The following SMC6 variants were observed in gnomAD, a reference collection of about 807,000 sequenced individuals.
SMC6 encodes the protein structural maintenance of chromosomes protein 6.
SMC6 carries 79 observed loss-of-function variants against 142.2 expected under a neutral mutation model. The ratio of observed to expected loss-of-function variants is 0.56; its 90% confidence interval spans 0.46 to 0.67. The LOEUF is 0.67. SMC6 is among the 30% of genes least tolerant of loss of function. The probability of loss-of-function intolerance (pLI) is 0.00; values close to 1 mark genes in which losing one functional copy is unlikely to be tolerated. For synonymous variants in SMC6, 411 were observed against 412.4 expected (o/e 1.00, Z 0.04); for missense variants, 1,072 against 1,284.0 (o/e 0.83, Z 2.52).
In SMC6 at chr2:17,678,508, C is replaced by T. The variant is rs556813484; in HGVS notation, c.2910+351G>A. ...GCAGGCTGGGCATGGTGGCTCACAC[C>T]GATAATCCCAGCACTTTGGGAGGCC... On this transcript the variant is annotated intron_variant, in intron 25 of 27. Transcript: ENST00000448223. Among the ~76,000 whole-genome samples, 33 of 151,742 alleles carry T rather than the reference C, an allele frequency of 2.2e-4. No individual in the cohort carries two copies. The South Asian group carries it at 3.6e-3, about 16-fold the overall frequency.
chr2:17,664,641 A>T lies in SMC6; in HGVS notation c.*858T>A, dbSNP rs1445988666. On this transcript the variant is annotated 3_prime_UTR_variant, in exon 28 of 28. Transcript: ENST00000448223. Reference sequence around the variant, plus strand: ...GGTCATTCTAAGCAGCACACTTTTTAACACCCCTCAATTAGGATGAGTCTT... The same window carrying T: ...GGTCATTCTAAGCAGCACACTTTTTTACACCCCTCAATTAGGATGAGTCTT... 1 of 152,198 alleles carries T rather than the reference A, an allele frequency of 6.6e-6. No individual in the cohort carries two copies. The highest frequency in any genetic ancestry group is 1.5e-5 in the Non-Finnish European group (1 of 68,036). The allele number at this position is 152,198 out of a possible 1,614,324, so 9.4% of individuals were successfully genotyped here.
At chr2:17,684,062 C>T (rs1029919035) in intron 23 of SMC6, among the ~76,000 whole-genome samples, 13 of 152,152 alleles carry the variant, frequency 8.5e-5, no homozygotes, top group Non-Finnish European at 1.6e-4. Context: ...TTAGAGAATA[C>T]TAGCAAATAC....
chr2:17,680,586 G>C (rs575933287), intron 24 of SMC6: 1 of 152,302 alleles, frequency 6.6e-6, no homozygotes, highest in Admixed American at 6.5e-5. Context: ...GTTACGAATA[G>C]ATGTTAGTAG....
At chr2:17,722,099 C>T (rs1002235265) in intron 9 of SMC6, among the ~76,000 whole-genome samples, 1 of 152,056 alleles carries the variant, frequency 6.6e-6, no homozygotes, top group Non-Finnish European at 1.5e-5. Flanking sequence ...TGCACTTTCC[C>T]ATTTTCAAAA....
chr2:17,668,404 A>G (rs1666602831), intron 26 of SMC6, among the ~76,000 whole-genome samples: 3 of 152,166 alleles, frequency 2.0e-5, no homozygotes, highest in Admixed American at 2.0e-4. Flanking sequence ...CACTTACTAA[A>G]CGGTCATTAT....
intron 7 of SMC6, among the ~76,000 whole-genome samples, chr2:17,728,923 G>GT (rs898839511): frequency 6.6e-6 from 1 of 151,792 alleles, no homozygotes; most frequent in African/African-American, 2.4e-5. Flanking sequence ...TAATTTTTGT[G>GT]TTTTTTTGTA....
chr2:17,695,901 T>C lies in SMC6; in HGVS notation c.2532+388A>G, dbSNP rs75780024. 3.7e-4 allele frequency among the ~76,000 whole-genome samples: 56 copies of C among 152,302 alleles called. 1 individual carries two copies. In the East Asian group the frequency reaches 9.1e-3, roughly 25 times the overall value. On this transcript the variant is annotated intron_variant, in intron 22 of 27. Coordinates refer to ENST00000448223, the MANE Select transcript of SMC6 (RefSeq NM_001142286.2). ...CTAAACACCGGGTCACTGCTTAGAA[T>C]TGCCAATAGACATGTCTCGTAGGAG... is the stretch of plus-strand genomic sequence containing the variant.
intron 2 of SMC6, among the ~76,000 whole-genome samples, chr2:17,751,005 C>CAAAAAAAA (rs34661130): frequency 3.7e-5 from 2 of 53,782 alleles, no homozygotes; most frequent in Non-Finnish European, 6.2e-5. Flanking sequence ...ACAGCTGTCT[C>CAAAAAAAA]AAAAAAAAAA....
intron 14 of SMC6, 36 bp downstream of exon 14, chr2:17,716,705 A>G: frequency 6.3e-7 from 1 of 1,587,772 alleles, no homozygotes; most frequent in Non-Finnish European, 8.6e-7. Context: ...TGTAAAAGTA[A>G]TTGAAAAAAA....
chr2:17,709,894 G>A (rs369588685), intron 16 of SMC6, among the ~76,000 whole-genome samples: 12 of 152,194 alleles, frequency 7.9e-5, no homozygotes, highest in African/African-American at 1.9e-4. Context: ...ACCCTAAAAG[G>A]TGTGTCAGAG....
At chr2:17,689,192 A>G (rs1044762953) in intron 23 of SMC6, among the ~76,000 whole-genome samples, 1 of 152,228 alleles carries the variant, frequency 6.6e-6, no homozygotes, top group Non-Finnish European at 1.5e-5. Context: ...TGTGATACCC[A>G]GAAAACGATA....
chr2:17,709,319 T>C lies in SMC6; in HGVS notation c.1731-566A>G, dbSNP rs75758997. 4.8e-3 allele frequency among the ~76,000 whole-genome samples: 735 copies of C among 152,198 alleles called. 4 individuals carry two copies. Among genetic ancestry groups the C allele is most frequent in the African/African-American group, 0.016 (682 of 41,532 alleles). Reference sequence around the variant, plus strand: ...TGATATGAGAAAAGAAAAACTGAAGTAAAGTTTATTACCAACACAGAGGAA... The same window carrying C: ...TGATATGAGAAAAGAAAAACTGAAGCAAAGTTTATTACCAACACAGAGGAA... On this transcript the variant is annotated intron_variant, in intron 16 of 27. Transcript: ENST00000448223.
chr2:17,715,927 A>G (rs953488228), intron 15 of SMC6, among the ~76,000 whole-genome samples, 159 bp downstream of exon 15: 5 of 152,162 alleles, frequency 3.3e-5, no homozygotes, highest in Non-Finnish European at 2.9e-5. Context: ...TCTTTCGGAT[A>G]TTTTATGCTT....
At chr2:17,752,908 G>C (rs1671132007) in intron 2 of SMC6, 70 bp downstream of exon 2, 1 of 434,194 alleles carries the variant, frequency 2.3e-6, no homozygotes, top group South Asian at 9.7e-5. Context: ...AGAGTAATAA[G>C]CGCTCACAAA....
chr2:17,693,465 T>TG (rs1667830578), intron 23 of SMC6, among the ~76,000 whole-genome samples: 1 of 152,050 alleles, frequency 6.6e-6, no homozygotes, highest in Non-Finnish European at 1.5e-5. Flanking sequence ...AAACACTGCA[T>TG]GTTCTCACTC....
At chr2:17,677,705 A>G (rs112724053) in intron 25 of SMC6, among the ~76,000 whole-genome samples, 21 of 152,308 alleles carry the variant, frequency 1.4e-4, no homozygotes, top group African/African-American at 5.0e-4. Flanking sequence ...ATCAATAAGC[A>G]CAATTCCTCC....
rs751855418 is a variant in SMC6 at position 17,725,383 on chromosome 2, G to C, written c.625-25C>G. On this transcript the variant is annotated intron_variant, in intron 8 of 27. Transcript: ENST00000448223. Reference sequence around the variant, plus strand: ...ACTATTATCAATAACAAAAAAAAACGCAATTAGGAGTTTGTAAACTTCCAT... The same window carrying C: ...ACTATTATCAATAACAAAAAAAAACCCAATTAGGAGTTTGTAAACTTCCAT... 1.2e-5 allele frequency: 17 copies of C among 1,475,564 alleles called. No individual in the cohort carries two copies. The South Asian group carries it at 1.6e-4, about 14-fold the overall frequency. 91.4% of individuals were successfully genotyped at this position (1,475,564 alleles called of 1,614,324 possible).
chr2:17,717,912 G>A (rs890756696), intron 12 of SMC6, among the ~76,000 whole-genome samples, 165 bp downstream of exon 12: 1 of 151,692 alleles, frequency 6.6e-6, no homozygotes, highest in African/African-American at 2.4e-5. Context: ...GTGTGCCCAG[G>A]AGATAAGAGG....
At chr2:17,752,794 TAA>T (rs1671122298) in intron 2 of SMC6, among the ~76,000 whole-genome samples, 182 bp downstream of exon 2, 1 of 152,232 alleles carries the variant, frequency 6.6e-6, no homozygotes, top group African/African-American at 2.4e-5. Flanking sequence ...TGCAACCATA[TAA>T]AAGTCAGGAG....
Sources: gnomAD v4.1 joint callset for allele counts (sites outside exome capture counted in the v4.1 genomes callset) on GRCh38, gnomAD v4.1.1 for gene constraint, MANE v1.5 for transcripts, NCBI Gene and HGNC (gene_info 2026-07-23, HGNC 2026-07-21) for gene names.